NCKAP5: variants seen among roughly 807,000 people sequenced by gnomAD.
NCKAP5 encodes the protein nck-associated protein 5.
NCKAP5 carries 92 observed loss-of-function variants against 167.0 expected under a neutral mutation model. The ratio of observed to expected loss-of-function variants is 0.55; its 90% CI spans 0.47 to 0.66. The LOEUF (loss-of-function observed/expected upper bound fraction) is 0.66, where lower values mean the gene tolerates loss of function less well. NCKAP5 is among the 30% of genes least tolerant of loss of function. NCKAP5 has a pLI of 0.00. For missense variants in NCKAP5, 2,378 were observed against 2,315.0 expected, an observed-to-expected ratio of 1.03 and a Z score of -0.56; for synonymous variants, 891 against 877.4, an observed-to-expected ratio of 1.02 and a Z score of -0.27.
intron 7 of NCKAP5, among the ~76,000 whole-genome samples, chr2:132,977,100 C>T (rs975545088): frequency 6.6e-6 from 1 of 152,106 alleles, no homozygotes; most frequent in African/African-American, 2.4e-5. Context: ...TTCAACAGGT[C>T]ACAATTATAA....
chr2:132,830,822 T>A (rs1165901599), intron 11 of NCKAP5, among the ~76,000 whole-genome samples: 1 of 152,228 alleles, frequency 6.6e-6, no homozygotes, highest in East Asian at 1.9e-4. Context: ...ATACAATATG[T>A]GAAACTATTC....
chr2:133,667,970 A>G, the NCKAP5 span, among the ~76,000 whole-genome samples: 8 of 151,876 alleles, frequency 5.3e-5, no homozygotes, highest in Non-Finnish European at 1.2e-4. Context: ...TCTAGAAACA[A>G]TTGTCTACTT....
intron 3 of NCKAP5, among the ~76,000 whole-genome samples, chr2:133,320,212 T>A (rs899897457): frequency 6.6e-6 from 1 of 152,206 alleles, no homozygotes; most frequent in Non-Finnish European, 1.5e-5. Flanking sequence ...ATTTAATATT[T>A]ATCAGACTAG....
intron 12 of NCKAP5, among the ~76,000 whole-genome samples, chr2:132,792,564 C>T (rs892047121): frequency 1.6e-4 from 24 of 152,280 alleles, no homozygotes; most frequent in Admixed American, 1.2e-3. Context: ...TGTTTAAATA[C>T]GCAGTGTGGT....
At position 133,303,080 on chromosome 2, in the gene NCKAP5, G is replaced by A. The variant is rs1680515634; in HGVS notation, c.100C>T (p.His34Tyr). 1.3e-6 allele frequency: 2 copies of A among 1,596,318 alleles called. No individual in the cohort carries two copies. The highest frequency in any genetic ancestry group is 1.3e-5 in the African/African-American group (1 of 74,690). Reference sequence around the variant, plus strand: ...TGCTCCTCAAGCTGAGTCAGCAGATGCTCAATGTATTTATTGGAGTCCATG... The same window carrying A: ...TGCTCCTCAAGCTGAGTCAGCAGATACTCAATGTATTTATTGGAGTCCATG... ...EYMDSNKYIE[H>Y]LLTQLEEQHR... Residue 34 changes from histidine (H) to tyrosine (Y), a missense_variant, in exon 4 of 20, where the codon CAT (histidine) becomes TAT (tyrosine). Physicochemically the swap from His to Tyr is moderately conservative, Grantham distance 83. This residue lies in a region of NCKAP5 where 1,049 missense variants were observed against 1,023.4 expected (regional missense o/e 1.02). Transcript: ENST00000409261.
At chr2:133,137,834 G>A (rs758582580) in intron 5 of NCKAP5, among the ~76,000 whole-genome samples, 9 of 152,162 alleles carry the variant, frequency 5.9e-5, no homozygotes, top group Non-Finnish European at 1.2e-4. Context: ...TTACTTCCGC[G>A]CAGAGGGGTG....
intron 3 of NCKAP5, among the ~76,000 whole-genome samples, chr2:133,333,251 G>C (rs937334151): frequency 6.6e-6 from 1 of 152,072 alleles, no homozygotes; most frequent in Admixed American, 6.6e-5. Flanking sequence ...AAAAAAGCAG[G>C]GGATGATAAT....
At chr2:132,840,422 C>T (rs1365219653) in intron 11 of NCKAP5, among the ~76,000 whole-genome samples, 2 of 151,894 alleles carry the variant, frequency 1.3e-5, no homozygotes, top group African/African-American at 2.4e-5. Flanking sequence ...ATTACAGTTG[C>T]CCACCACCAT....
chr2:133,552,745 TAA>T (rs57165361), intron 2 of NCKAP5, among the ~76,000 whole-genome samples: 1 of 119,416 alleles, frequency 8.4e-6, no homozygotes, highest in South Asian at 2.5e-4. Flanking sequence ...TAAAGTATAA[TAA>T]AAAAAAAAGA....
At chr2:133,265,838 G>T (rs948882017) in intron 4 of NCKAP5, among the ~76,000 whole-genome samples, 2 of 152,156 alleles carry the variant, frequency 1.3e-5, no homozygotes. Flanking sequence ...CAGTGGCACA[G>T]CTATGCCCCT....
At chr2:133,631,604 C>T in the NCKAP5 span, among the ~76,000 whole-genome samples, 4 of 152,192 alleles carry the variant, frequency 2.6e-5, no homozygotes, top group African/African-American at 7.2e-5. Context: ...GCCTAATCTT[C>T]TCACGTGACA....
chr2:133,000,092 C>T (rs1246039755), intron 6 of NCKAP5, among the ~76,000 whole-genome samples: 1 of 152,092 alleles, frequency 6.6e-6, no homozygotes, highest in Non-Finnish European at 1.5e-5. Context: ...TTCTTTTAGT[C>T]AGGTGAGAGG....
At chr2:133,505,036 T>C (rs1682878289) in intron 3 of NCKAP5, among the ~76,000 whole-genome samples, 1 of 152,182 alleles carries the variant, frequency 6.6e-6, no homozygotes, top group African/African-American at 2.4e-5. Flanking sequence ...GCATGGTGCC[T>C]GGAGCAAGGA....
At chr2:133,419,061 A>C (rs927057787) in intron 3 of NCKAP5, among the ~76,000 whole-genome samples, 32 of 152,232 alleles carry the variant, frequency 2.1e-4, no homozygotes, top group African/African-American at 7.7e-4. Flanking sequence ...TGTTTAGAGC[A>C]CGCCTGCTTC....
intron 11 of NCKAP5, among the ~76,000 whole-genome samples, chr2:132,817,399 C>T (rs1054257445): frequency 7.2e-5 from 11 of 151,950 alleles, no homozygotes; most frequent in African/African-American, 2.4e-4. Flanking sequence ...TTTATCACTA[C>T]GTAATGGGAC....
intron 1 of NCKAP5, among the ~76,000 whole-genome samples, chr2:133,564,433 T>A (rs1191571874): frequency 6.6e-6 from 1 of 152,220 alleles, no homozygotes; most frequent in East Asian, 1.9e-4. Context: ...TGCCAGGTGC[T>A]GAGTTTACAA....
At chr2:132,764,617 C>T (rs959760536) in intron 16 of NCKAP5, among the ~76,000 whole-genome samples, 34 of 152,052 alleles carry the variant, frequency 2.2e-4, no homozygotes, top group African/African-American at 8.0e-4. Flanking sequence ...TATTCCCCAT[C>T]CAACCATAGG....
Position 133,456,080 on chromosome 2 carries a change from T to C in NCKAP5, c.69+61378A>G, listed in dbSNP as rs551120989. Among the ~76,000 whole-genome samples, 313 of 152,324 alleles carry C rather than the reference T, an allele frequency of 2.1e-3. 1 individual carries two copies. The highest frequency in any genetic ancestry group is 5.6e-3 in the Admixed American group (86 of 15,296). ...ATTTGTTGTTTTATGAGCAATGATA[T>C]TATCACTTTATGATCTCAAGGAATA... On this transcript the variant is annotated intron_variant, in intron 3 of 19. Transcript: ENST00000409261.
At chr2:132,770,527 G>T (rs1402958372) in intron 16 of NCKAP5, among the ~76,000 whole-genome samples, 1 of 150,230 alleles carries the variant, frequency 6.7e-6, no homozygotes, top group Non-Finnish European at 1.5e-5. Context: ...TCATTTACTT[G>T]TGGCCAGCAG....
Sources: gnomAD v4.1 joint callset for allele counts (sites outside exome capture counted in the v4.1 genomes callset) on GRCh38, gnomAD v4.1.1 for gene constraint, gnomAD v4.1.1 regional missense constraint, MANE v1.5 for transcripts, NCBI Gene and HGNC (gene_info 2026-07-23, HGNC 2026-07-21) for gene names.